Variants in CHRNA7 observed in about 807,000 individuals in gnomAD.
CHRNA7 encodes the protein cholinergic receptor nicotinic alpha 7 subunit, also known as neuronal acetylcholine receptor subunit alpha-7.
CHRNA7 carries 17 observed loss-of-function variants against 48.0 expected under a neutral mutation model. That is an observed-to-expected ratio of 0.35 (90% confidence interval 0.24 to 0.53). CHRNA7 has a LOEUF of 0.53. CHRNA7 is among the 20% of genes least tolerant of loss of function. The pLI, the probability that CHRNA7 is intolerant of heterozygous loss-of-function variation, is 0.92. For missense variants in CHRNA7, 155 were observed against 577.7 expected (o/e 0.27, Z 7.50); for synonymous variants, 75 against 242.3 (o/e 0.31, Z 6.41).
At chr15:32,049,202 G>A (rs2049617359) in intron 2 of CHRNA7, among the ~76,000 whole-genome samples, 1 of 151,922 alleles carries the variant, frequency 6.6e-6, no homozygotes, top group African/African-American at 2.4e-5. Flanking sequence ...GGGTATCCTT[G>A]TTAACTTTCT....
chr15:32,101,447 T>A, intron 3 of CHRNA7, 100 bp downstream of exon 3: 1 of 1,356,418 alleles, frequency 7.4e-7, no homozygotes, highest in Non-Finnish European at 1.0e-6. Flanking sequence ...GAGGTCCTGT[T>A]TAGGAAAAAA....
chr15:32,089,935 C>T (rs1018648527), intron 2 of CHRNA7, among the ~76,000 whole-genome samples: 2 of 152,194 alleles, frequency 1.3e-5, no homozygotes, highest in South Asian at 2.1e-4. Flanking sequence ...CTCTTGATGT[C>T]TGTCTTCCTT....
intron 4 of CHRNA7, among the ~76,000 whole-genome samples, chr15:32,117,611 A>G (rs2050895936): frequency 6.6e-6 from 1 of 152,164 alleles, no homozygotes; most frequent in South Asian, 2.1e-4. Context: ...GTTCTCAGCC[A>G]GAGCAGAGGA....
chr15:32,059,004 ATT>A (rs144867243), intron 2 of CHRNA7, among the ~76,000 whole-genome samples: 2 of 149,068 alleles, frequency 1.3e-5, no homozygotes, highest in South Asian at 2.1e-4. Flanking sequence ...TCTTCTTTGT[ATT>A]TTTTTTTTTC....
rs554430500 is a variant in CHRNA7 at position 32,058,472 on chromosome 15, A to G, written c.195+27435A>G. Among the ~76,000 whole-genome samples the G allele has an allele frequency of 2.0e-5, 3 of 152,326 alleles. No individual in the cohort carries two copies. In the East Asian group the frequency reaches 5.8e-4, roughly 29 times the overall value. On this transcript the variant is annotated intron_variant, in intron 2 of 9. Coordinates refer to ENST00000306901, the MANE Select transcript of CHRNA7 (RefSeq NM_000746.6). ...AGCAGCTGGTCATTGATGTGTCGGCACAAGGCAGCTTCCTGGATTTCCACT... is the reference window on the plus strand; with the variant it reads ...AGCAGCTGGTCATTGATGTGTCGGCGCAAGGCAGCTTCCTGGATTTCCACT...
chr15:32,031,129 C>A (rs1361453592), intron 2 of CHRNA7, 92 bp downstream of exon 2: 21 of 1,505,958 alleles, frequency 1.4e-5, no homozygotes, highest in Non-Finnish European at 1.9e-5. Flanking sequence ...CGGTGGAGCT[C>A]GGCTGGGGCA....
intron 2 of CHRNA7, among the ~76,000 whole-genome samples, chr15:32,036,364 T>G (rs1170927732): frequency 6.6e-6 from 1 of 152,242 alleles, no homozygotes; most frequent in East Asian, 1.9e-4. Flanking sequence ...CCTCCAAGTT[T>G]TGGCAATTAT....
chr15:32,145,386 TGAG>T (rs1400830722), intron 4 of CHRNA7, among the ~76,000 whole-genome samples: 1 of 152,154 alleles, frequency 6.6e-6, no homozygotes, highest in Non-Finnish European at 1.5e-5. Flanking sequence ...GGGACCCACT[TGAG>T]GAGGCAGTCT....
At chr15:32,120,645 G>T (rs2050952859) in intron 4 of CHRNA7, among the ~76,000 whole-genome samples, 2 of 151,898 alleles carry the variant, frequency 1.3e-5, no homozygotes, top group Non-Finnish European at 2.9e-5. Context: ...AGGTGCTGCG[G>T]TGAATAGAAT....
chr15:32,138,731 ATGTTTTGTTTTGTTT>A (rs56884132), intron 4 of CHRNA7, among the ~76,000 whole-genome samples: 5 of 146,106 alleles, frequency 3.4e-5, no homozygotes, highest in Non-Finnish European at 7.5e-5. Context: ...TTGACCTGTT[ATGTTTTGTTTTGTTT>A]TGTTTTGTTT....
At chr15:32,166,290 T>C (rs2052136275) in intron 9 of CHRNA7, 1 of 152,374 alleles carries the variant, frequency 6.6e-6, no homozygotes, top group Non-Finnish European at 1.5e-5. Flanking sequence ...TCATGAGCCT[T>C]GTATGGACGG....
chr15:32,134,501 AT>A (rs1595484877), intron 4 of CHRNA7, among the ~76,000 whole-genome samples: 1 of 152,174 alleles, frequency 6.6e-6, no homozygotes, highest in East Asian at 1.9e-4. Flanking sequence ...GCCTTCATTA[AT>A]TTTTTTAAGA....
chr15:32,119,990 C>T (rs1595469562), intron 4 of CHRNA7, among the ~76,000 whole-genome samples: 1 of 152,210 alleles, frequency 6.6e-6, no homozygotes, highest in African/African-American at 2.4e-5. Flanking sequence ...AGCCTACTTG[C>T]CCGCAGCTCC....
intron 2 of CHRNA7, among the ~76,000 whole-genome samples, chr15:32,068,301 C>G (rs918845056): frequency 2.0e-5 from 3 of 150,984 alleles, no homozygotes; most frequent in Admixed American, 6.6e-5. Context: ...AGAGTGAGAC[C>G]CTGAGGAAGG....
chr15:32,129,016 GGT>G (rs1413099472), intron 4 of CHRNA7, among the ~76,000 whole-genome samples: 2 of 151,782 alleles, frequency 1.3e-5, no homozygotes, highest in Non-Finnish European at 3.0e-5. Flanking sequence ...GATATAATCA[GGT>G]GATTTTTCTT....
At chr15:32,112,715 G>A (rs2050783923) in intron 4 of CHRNA7, among the ~76,000 whole-genome samples, 1 of 152,196 alleles carries the variant, frequency 6.6e-6, no homozygotes, top group African/African-American at 2.4e-5. Flanking sequence ...CTGATGCAGG[G>A]AACAGTGTGA....
intron 2 of CHRNA7, among the ~76,000 whole-genome samples, chr15:32,096,786 A>G (rs1335218293): frequency 6.6e-6 from 1 of 152,254 alleles, no homozygotes; most frequent in African/African-American, 2.4e-5. Context: ...CAGATAGACG[A>G]TTATTCAGAG....
intron 2 of CHRNA7, among the ~76,000 whole-genome samples, chr15:32,044,244 G>T (rs943794740): frequency 1.5e-5 from 1 of 68,422 alleles, no homozygotes; most frequent in Non-Finnish European, 3.5e-5. Flanking sequence ...CAGATCGATC[G>T]ATCTTTTCCT....
intron 2 of CHRNA7, among the ~76,000 whole-genome samples, chr15:32,080,041 G>A (rs780531319): frequency 6.6e-6 from 1 of 152,116 alleles, no homozygotes; most frequent in Non-Finnish European, 1.5e-5. Context: ...ACAAAAACAA[G>A]CAATGGGGAA....
Sources: allele counts gnomAD v4.1 joint callset (sites outside exome capture counted in the v4.1 genomes callset), GRCh38; gene constraint gnomAD v4.1.1; transcripts MANE v1.5; gene names NCBI Gene and HGNC (gene_info 2026-07-23, HGNC 2026-07-21).